The following SLC67A2 variants were observed in gnomAD, a reference collection of about 807,000 sequenced individuals.
SLC67A2 encodes solute carrier family 67 member 2.
chr2:102,722,056 C>G, the SLC67A2 span, among the ~76,000 whole-genome samples: 1 of 152,220 alleles, frequency 6.6e-6, no homozygotes, highest in Admixed American at 6.5e-5. Context: ...CTGACAAAAT[C>G]TCTTCCCTCA....
At chr2:102,731,667 A>AC in the SLC67A2 span, among the ~76,000 whole-genome samples, 4 of 152,186 alleles carry the variant, frequency 2.6e-5, no homozygotes, top group African/African-American at 7.2e-5. Context: ...CACGGCATGG[A>AC]CCATGATTTA....
chr2:102,729,893 T>C, the SLC67A2 span, among the ~76,000 whole-genome samples: 1 of 152,206 alleles, frequency 6.6e-6, no homozygotes, highest in African/African-American at 2.4e-5. Context: ...GAATTTATTA[T>C]GGAATCTGAC....
chr2:102,733,328 G>T, the SLC67A2 span, among the ~76,000 whole-genome samples: 2 of 152,142 alleles, frequency 1.3e-5, no homozygotes, highest in Non-Finnish European at 2.9e-5. Context: ...CAGCTGGTTA[G>T]TTGGAAAGAA....
At chr2:102,736,700 G>A in the SLC67A2 span, 4 of 1,613,314 alleles carry the variant, frequency 2.5e-6, no homozygotes, top group Non-Finnish European at 3.4e-6. Context: ...CGACGGCACC[G>A]GAGTCGGCAG....
At chr2:102,734,705 C>T in the SLC67A2 span, among the ~76,000 whole-genome samples, 1,621 of 152,138 alleles carry the variant, frequency 0.011, 37 homozygotes, top group African/African-American at 0.037. Context: ...AAACCATAAA[C>T]TTTTCCCTTA....
chr2:102,734,555 A>T, the SLC67A2 span, among the ~76,000 whole-genome samples: 1 of 151,746 alleles, frequency 6.6e-6, no homozygotes, highest in East Asian at 1.9e-4. Flanking sequence ...AAAAAAAACT[A>T]AATTATGTAT....
the SLC67A2 span, chr2:102,723,874 G>C: frequency 2.5e-6 from 4 of 1,614,044 alleles, no homozygotes; most frequent in African/African-American, 1.3e-5. Flanking sequence ...TCAGAAAGTA[G>C]AGCCCTTGAG....
chr2:102,726,752 A>T, the SLC67A2 span: 1 of 1,500,628 alleles, frequency 6.7e-7, no homozygotes, highest in Non-Finnish European at 8.9e-7. Flanking sequence ...GAGCAAGACC[A>T]CAGAGGTGGC....
chr2:102,723,891 A>T, the SLC67A2 span: 5 of 1,613,852 alleles, frequency 3.1e-6, no homozygotes, highest in South Asian at 4.4e-5. Flanking sequence ...TGAGATGGAG[A>T]GAGTGTGTTT....
chr2:102,732,055 G>A, the SLC67A2 span: 1 of 589,872 alleles, frequency 1.7e-6, no homozygotes, highest in South Asian at 1.6e-5. Flanking sequence ...TCCTTGCAGA[G>A]GCTCCATAAG....
chr2:102,730,337 A>G, the SLC67A2 span, among the ~76,000 whole-genome samples: 3 of 152,238 alleles, frequency 2.0e-5, no homozygotes, highest in Non-Finnish European at 2.9e-5. Flanking sequence ...GATGCCAGCC[A>G]CCATGCCTGG....
chr2:102,736,879 G>A, the SLC67A2 span: 4 of 1,491,318 alleles, frequency 2.7e-6, no homozygotes, highest in East Asian at 4.7e-5. Flanking sequence ...GCCCCGCCCC[G>A]AGCGGAAGCA....
At chr2:102,714,905 A>G in the SLC67A2 span, among the ~76,000 whole-genome samples, 3 of 152,296 alleles carry the variant, frequency 2.0e-5, no homozygotes, top group Admixed American at 2.0e-4. Context: ...AAATGCCTAA[A>G]ATTTTCTGAC....
the SLC67A2 span, chr2:102,719,051 T>C: frequency 5.6e-6 from 9 of 1,614,120 alleles, no homozygotes; most frequent in Admixed American, 1.5e-4. Flanking sequence ...GACCCAGGGC[T>C]GGGCAGTCTT....
chr2:102,721,097 G>C, the SLC67A2 span, among the ~76,000 whole-genome samples: 1 of 152,128 alleles, frequency 6.6e-6, no homozygotes. Context: ...CACTTGCAGC[G>C]GAATGTTTTC....
chr2:102,723,498 A>G, the SLC67A2 span, among the ~76,000 whole-genome samples: 1 of 151,846 alleles, frequency 6.6e-6, no homozygotes, highest in Non-Finnish European at 1.5e-5. Context: ...AGAAAAGAGA[A>G]CTCTGGCACA....
At chr2:102,730,953 C>T in the SLC67A2 span, 1 of 1,301,734 alleles carries the variant, frequency 7.7e-7, no homozygotes, top group Non-Finnish European at 1.1e-6. Context: ...CCAAATCTAT[C>T]ACTTTTTGAT....
chr2:102,717,436 G>A, the SLC67A2 span: 2 of 152,294 alleles, frequency 1.3e-5, no homozygotes, highest in Non-Finnish European at 1.5e-5. Context: ...GCATTCCTGT[G>A]CTTTGGCTTC....
the SLC67A2 span, chr2:102,726,718 A>C: frequency 2.9e-6 from 4 of 1,369,732 alleles, no homozygotes; most frequent in Non-Finnish European, 2.9e-6. Flanking sequence ...CCTTCTGAAC[A>C]CTCTTTAAGC....
Sources: allele counts gnomAD v4.1 joint callset (sites outside exome capture counted in the v4.1 genomes callset), GRCh38; gene constraint gnomAD v4.1.1; transcripts MANE v1.5; gene names NCBI Gene and HGNC (gene_info 2026-07-23, HGNC 2026-07-21).